DKK4: variants seen among roughly 807,000 people sequenced by gnomAD.
DKK4 encodes dickkopf-related protein 4.
In DKK4, 15 loss-of-function variants were observed where a neutral mutation model predicts 14.5. The observed-to-expected ratio is 1.03, with a 90% CI of 0.69 to 1.59. The LOEUF (loss-of-function observed/expected upper bound fraction) is 1.59, where lower values mean the gene tolerates loss of function less well. DKK4 is among the 40% of genes most tolerant of loss of function. DKK4 has a pLI of 0.00. For missense variants in DKK4, 272 were observed against 280.3 expected (o/e 0.97, Z 0.21); for synonymous variants, 89 against 105.2 (o/e 0.85, Z 0.94).
At chr8:42,386,071 G>A in the DKK4 span, among the ~76,000 whole-genome samples, 8 of 152,294 alleles carry the variant, frequency 5.3e-5, no homozygotes, top group African/African-American at 1.9e-4. Flanking sequence ...CCGGATTGGA[G>A]GTATACACTG....
the DKK4 span, among the ~76,000 whole-genome samples, chr8:42,388,579 AATT>A: frequency 6.6e-6 from 1 of 150,852 alleles, no homozygotes; most frequent in South Asian, 2.1e-4. Flanking sequence ...TTAATTAATT[AATT>A]AATTTTTGAG....
intron 2 of DKK4, 43 bp from the exon 3 acceptor site, chr8:42,374,956 G>T (rs955251125): frequency 6.9e-6 from 11 of 1,605,240 alleles, no homozygotes; most frequent in Non-Finnish European, 9.4e-6. Context: ...AACTTCAAGG[G>T]GGAGAACCAC....
Position 42,374,221 on chromosome 8 carries a change from G to A in DKK4, c.554C>T (p.Ala185Val). 1 of 1,613,396 alleles carries A rather than the reference G, an allele frequency of 6.2e-7. No homozygotes were observed. The highest frequency in any genetic ancestry group is 1.1e-5 in the South Asian group (1 of 90,940). The change falls in exon 4 of 4, where the codon GCT (alanine) becomes GTT (valine). Residue 185 changes from alanine to valine, a missense_variant. Ala to Val is a moderately conservative substitution (Grantham distance 64). Coordinates refer to ENST00000220812, the MANE Select transcript of DKK4 (RefSeq NM_014420.3). ...ACGCTGGAAGATTTCTGGAGCTTGA[G>A]CAGTGTCTTTATGCCCTCTTCTGGA... ...VCSRRGHKDTAQAPEIFQRCD... is the reference protein window; with the variant it reads ...VCSRRGHKDTVQAPEIFQRCD...
the DKK4 span, among the ~76,000 whole-genome samples, chr8:42,389,085 A>G: frequency 6.6e-6 from 1 of 152,314 alleles, no homozygotes; most frequent in South Asian, 2.1e-4. Flanking sequence ...CTGGGACTAC[A>G]GGCACATGCC....
chr8:42,379,378 TAGAG>T (rs537441477), upstream of DKK4, among the ~76,000 whole-genome samples: 679 of 34,180 alleles, frequency 0.02, 4 homozygotes, highest in Non-Finnish European at 0.023. Context: ...TATATATATA[TAGAG>T]AGAGAGAGAG....
Position 42,375,666 on chromosome 8 carries a change from G to A in DKK4, c.262+14C>T, listed in dbSNP as rs767247800. ...CTTCGGTTTAAAAACCACTGTTGGC[G>A]TTATGTCGCTCACCGTTCACACAGA... On this transcript the variant is annotated intron_variant, in intron 2 of 3. Coordinates refer to ENST00000220812, the MANE Select transcript of DKK4 (RefSeq NM_014420.3). 24 of 1,612,568 alleles carry A rather than the reference G, an allele frequency of 1.5e-5. No individual in the cohort carries two copies. Among genetic ancestry groups the A allele is most frequent in the African/African-American group, 6.7e-5 (5 of 74,874 alleles).
chr8:42,390,137 GC>G, the DKK4 span, among the ~76,000 whole-genome samples: 11 of 151,932 alleles, frequency 7.2e-5, no homozygotes, highest in South Asian at 2.3e-3. Context: ...CAAGTGATCC[GC>G]CCCCCTCGGC....
chr8:42,376,706 T>G lies in DKK4; in HGVS notation c.111+229A>C, dbSNP rs575457827. Among the ~76,000 whole-genome samples, 5 of 152,292 alleles carry G rather than the reference T, an allele frequency of 3.3e-5. No individual in the cohort carries two copies. The East Asian group carries it at 7.7e-4, about 23-fold the overall frequency. ...CCAAAGTGTTCGTTTATTTCGTGAT[T>G]TATAGACAAACGTATGGCCGAATGA... On this transcript the variant is annotated intron_variant, in intron 1 of 3. Coordinates refer to ENST00000220812, the MANE Select transcript of DKK4 (RefSeq NM_014420.3).
upstream of DKK4, among the ~76,000 whole-genome samples, chr8:42,379,378 TAGAGAGAGAGAGAGAGAGAGAGAG>T (rs537441477): frequency 8.7e-5 from 3 of 34,540 alleles, no homozygotes; most frequent in African/African-American, 1.3e-4. Flanking sequence ...TATATATATA[TAGAGAGAGAGAGAGAGAGAGAGAG>T]AGAGAGAGAG....
At chr8:42,377,975 T>C (rs527413274), upstream of DKK4, among the ~76,000 whole-genome samples, 16 of 152,382 alleles carry the variant, frequency 1.0e-4, no homozygotes, top group Middle Eastern at 3.4e-3. Context: ...TAATTTGTGT[T>C]GCATTATGTA....
At chr8:42,378,016 T>C (rs1824595527), upstream of DKK4, among the ~76,000 whole-genome samples, 2 of 152,232 alleles carry the variant, frequency 1.3e-5, no homozygotes, top group South Asian at 4.1e-4. Context: ...AGGATCCAAG[T>C]CTCTGGCTGA....
chr8:42,379,388 G>T (rs867657846), upstream of DKK4, among the ~76,000 whole-genome samples: 5,089 of 35,110 alleles, frequency 0.14, 118 homozygotes, highest in Non-Finnish European at 0.17. Flanking sequence ...TAGAGAGAGA[G>T]AGAGAGAGAG....
the DKK4 span, among the ~76,000 whole-genome samples, chr8:42,389,326 CAG>C: frequency 6.6e-6 from 1 of 152,166 alleles, no homozygotes; most frequent in African/African-American, 2.4e-5. Flanking sequence ...GAAACTGAGG[CAG>C]AGAGAGGTTA....
chr8:42,377,602 CT>C (rs1400342834), upstream of DKK4, among the ~76,000 whole-genome samples: 2 of 152,138 alleles, frequency 1.3e-5, no homozygotes, highest in Non-Finnish European at 2.9e-5. Flanking sequence ...ATGAATCATA[CT>C]GGCCAATATG....
At chr8:42,389,572 G>A in the DKK4 span, among the ~76,000 whole-genome samples, 1 of 152,124 alleles carries the variant, frequency 6.6e-6, no homozygotes, top group African/African-American at 2.4e-5. Flanking sequence ...GGTCAAATCT[G>A]ATATTTGCCT....
At chr8:42,386,345 G>T in the DKK4 span, among the ~76,000 whole-genome samples, 1 of 152,056 alleles carries the variant, frequency 6.6e-6, no homozygotes, top group South Asian at 2.1e-4. Context: ...ATATACTTTT[G>T]TTCCCTCCTT....
chr8:42,375,944 C>T (rs905523261), intron 1 of DKK4, 114 bp from the exon 2 acceptor site: 3 of 1,337,960 alleles, frequency 2.2e-6, no homozygotes, highest in Non-Finnish European at 3.0e-6. Context: ...CTGTGACAAA[C>T]CCTGGGCAGC....
chr8:42,389,117 G>C, the DKK4 span, among the ~76,000 whole-genome samples: 1 of 152,116 alleles, frequency 6.6e-6, no homozygotes, highest in Admixed American at 6.6e-5. Context: ...GCTAATTTTT[G>C]TATTTTTTGT....
chr8:42,374,519 G>GT (rs1297204958), intron 3 of DKK4, among the ~76,000 whole-genome samples, 160 bp from the exon 4 acceptor site: 1 of 152,176 alleles, frequency 6.6e-6, no homozygotes, highest in Non-Finnish European at 1.5e-5. Flanking sequence ...GCTAAAAGCA[G>GT]TAATGCCATG....
Sources: allele counts gnomAD v4.1 joint callset (sites outside exome capture counted in the v4.1 genomes callset), GRCh38; gene constraint gnomAD v4.1.1; transcripts MANE v1.5; gene names NCBI Gene and HGNC (gene_info 2026-07-23, HGNC 2026-07-21).